Variants in CNTNAP4 observed in about 807,000 individuals in gnomAD.
CNTNAP4 encodes the protein contactin-associated protein-like 4.
A neutral mutation model predicts 148.4 loss-of-function variants in CNTNAP4; 98 were observed. That is an observed-to-expected ratio of 0.66 (90% CI 0.56 to 0.78). CNTNAP4 has a LOEUF of 0.78. Ranked by LOEUF, CNTNAP4 falls within the 30% of genes least tolerant of loss-of-function variation. The probability of loss-of-function intolerance (pLI) is 0.00; values close to 1 mark genes in which losing one functional copy is unlikely to be tolerated. For synonymous variants in CNTNAP4, 730 were observed against 565.1 expected (o/e 1.29, Z -4.14); for missense variants, 1,935 against 1,565.6 (o/e 1.24, Z -3.98).
intron 15 of CNTNAP4, among the ~76,000 whole-genome samples, chr16:76,511,474 T>G (rs1438149902): frequency 6.6e-6 from 1 of 152,174 alleles, no homozygotes; most frequent in Admixed American, 6.5e-5. Context: ...TTGGTTAATT[T>G]CTCTTTCATT....
intron 3 of CNTNAP4, among the ~76,000 whole-genome samples, chr16:76,406,253 T>C (rs1350186609): frequency 6.6e-6 from 1 of 152,154 alleles, no homozygotes; most frequent in Non-Finnish European, 1.5e-5. Flanking sequence ...GATGTTACTA[T>C]TGTAATATCA....
At chr16:76,419,510 T>G (rs1239052768) in intron 3 of CNTNAP4, among the ~76,000 whole-genome samples, 3 of 151,960 alleles carry the variant, frequency 2.0e-5, no homozygotes, top group Admixed American at 1.3e-4. Flanking sequence ...AACTTCTCAC[T>G]CTCATGCTAG....
At chr16:76,332,410 GCAC>G (rs1963612027) in intron 2 of CNTNAP4, among the ~76,000 whole-genome samples, 1 of 151,974 alleles carries the variant, frequency 6.6e-6, no homozygotes, top group Admixed American at 6.5e-5. Context: ...ACACAGGCAC[GCAC>G]CACCACGCCA....
intron 1 of CNTNAP4, among the ~76,000 whole-genome samples, chr16:76,281,474 C>A (rs930083103): frequency 3.3e-5 from 5 of 151,970 alleles, no homozygotes; most frequent in African/African-American, 1.2e-4. Context: ...CTGGAGATAA[C>A]GTGACTCATG....
chr16:76,417,349 T>C (rs1422601594), intron 3 of CNTNAP4, among the ~76,000 whole-genome samples: 1 of 151,462 alleles, frequency 6.6e-6, no homozygotes, highest in Non-Finnish European at 1.5e-5. Context: ...TTATCTGCTC[T>C]TTTACTGTAT....
chr16:76,478,717 A>G (rs2081687927), intron 11 of CNTNAP4, among the ~76,000 whole-genome samples: 1 of 152,130 alleles, frequency 6.6e-6, no homozygotes, highest in South Asian at 2.1e-4. Context: ...AAAAACATCC[A>G]AACATCCGAT....
In CNTNAP4 at chr16:76,448,101, T is replaced by C. The variant is rs1321793946; in HGVS notation, c.628T>C (p.Leu210=). 6.2e-7 allele frequency: 1 copy of C among 1,613,734 alleles called. No individual in the cohort carries two copies. Among genetic ancestry groups the C allele is most frequent in the East Asian group, 2.2e-5 (1 of 44,840 alleles). The part of the protein sequence containing the change: ...SLSPIKDIIS[L]KFKTMQSDGI... Reference sequence around the variant, plus strand: ...GAGCCCAATAAAAGACATTATTTCTTTGAAATTCAAAACCATGCAGAGTGA... The same window carrying C: ...GAGCCCAATAAAAGACATTATTTCTCTGAAATTCAAAACCATGCAGAGTGA... The change falls in exon 5 of 24, where the codon TTG becomes CTG. Residue 210 remains leucine (L), a synonymous_variant. Coordinates refer to ENST00000611870, the MANE Select transcript of CNTNAP4 (RefSeq NM_033401.5).
At chr16:76,354,154 A>G (rs548138418) in intron 2 of CNTNAP4, among the ~76,000 whole-genome samples, 2 of 152,334 alleles carry the variant, frequency 1.3e-5, no homozygotes, top group South Asian at 2.1e-4. Context: ...TAAACATTAA[A>G]TGTTAGATAA....
At chr16:76,292,373 A>G (rs990049501) in intron 1 of CNTNAP4, among the ~76,000 whole-genome samples, 4 of 152,176 alleles carry the variant, frequency 2.6e-5, no homozygotes, top group Non-Finnish European at 4.4e-5. Flanking sequence ...ACTGTCATGT[A>G]TGACGGATCT....
intron 15 of CNTNAP4, among the ~76,000 whole-genome samples, chr16:76,514,053 C>G (rs1353236030): frequency 6.6e-6 from 1 of 152,096 alleles, no homozygotes; most frequent in Admixed American, 6.6e-5. Context: ...CCAGATTTAC[C>G]TTGAATTTAT....
chr16:76,356,984 A>C (rs1332891951), intron 3 of CNTNAP4, among the ~76,000 whole-genome samples: 1 of 151,982 alleles, frequency 6.6e-6, no homozygotes, highest in Non-Finnish European at 1.5e-5. Context: ...AAGCAGTTTT[A>C]AGAAAAGCTG....
chr16:76,332,476 C>G (rs1281224440), intron 2 of CNTNAP4, among the ~76,000 whole-genome samples: 1 of 152,082 alleles, frequency 6.6e-6, no homozygotes, highest in Non-Finnish European at 1.5e-5. Context: ...GTTGCCTAGG[C>G]TGGTCTTGAA....
chr16:76,283,861 T>C (rs1958783124), intron 1 of CNTNAP4, among the ~76,000 whole-genome samples: 1 of 152,010 alleles, frequency 6.6e-6, no homozygotes, highest in South Asian at 2.1e-4. Flanking sequence ...TTAAAAAATA[T>C]TTTCATTTTG....
chr16:76,299,031 C>T (rs1168016917), intron 1 of CNTNAP4, among the ~76,000 whole-genome samples: 1 of 152,012 alleles, frequency 6.6e-6, no homozygotes, highest in Non-Finnish European at 1.5e-5. Context: ...AGATCTAAAA[C>T]CATAAAAACC....
intron 2 of CNTNAP4, among the ~76,000 whole-genome samples, chr16:76,348,508 G>A (rs1965103845): frequency 6.6e-6 from 1 of 152,140 alleles, no homozygotes. Context: ...AAAAGATCAT[G>A]TGAGATAAAA....
chr16:76,342,512 G>C (rs111914061), intron 2 of CNTNAP4, among the ~76,000 whole-genome samples: 2 of 120,318 alleles, frequency 1.7e-5, no homozygotes, highest in Admixed American at 1.9e-4. Context: ...TTGCTCTGTC[G>C]CCCAGGTTGG....
chr16:76,463,293 G>A (rs939891030), intron 9 of CNTNAP4, among the ~76,000 whole-genome samples: 4 of 152,106 alleles, frequency 2.6e-5, no homozygotes, highest in African/African-American at 9.7e-5. Context: ...GAAATAAATA[G>A]GCATATTGTT....
At chr16:76,449,287 T>G (rs1226880332) in intron 6 of CNTNAP4, among the ~76,000 whole-genome samples, 1 of 152,218 alleles carries the variant, frequency 6.6e-6, no homozygotes, top group Non-Finnish European at 1.5e-5. Context: ...TTCTTTGTGT[T>G]CTAGGGTATT....
chr16:76,292,183 T>C (rs955110087), intron 1 of CNTNAP4, among the ~76,000 whole-genome samples: 9 of 152,230 alleles, frequency 5.9e-5, no homozygotes, highest in Admixed American at 3.9e-4. Context: ...AACTGTTCAA[T>C]GTCATCCAAC....
Sources: allele counts gnomAD v4.1 joint callset (sites outside exome capture counted in the v4.1 genomes callset), GRCh38; gene constraint gnomAD v4.1.1; transcripts MANE v1.5; gene names NCBI Gene and HGNC (gene_info 2026-07-23, HGNC 2026-07-21).